Variants in YARS1 observed in about 807,000 individuals in gnomAD.
The protein encoded by YARS1 is tyrosine--tRNA ligase, cytoplasmic.
In YARS1, 36 loss-of-function variants were observed where a neutral mutation model predicts 62.2. The ratio of observed to expected loss-of-function variants is 0.58; its 90% CI spans 0.44 to 0.76. The LOEUF is 0.76. YARS1 is among the 30% of genes least tolerant of loss of function. The pLI, the probability that YARS1 is intolerant of heterozygous loss-of-function variation, is 0.00. For synonymous variants in YARS1, 234 were observed against 244.9 expected (o/e 0.96, Z 0.42); for missense variants, 524 against 639.8 (o/e 0.82, Z 1.95).
At position 32,781,035 on chromosome 1, in the gene YARS1, G is replaced by A; in HGVS notation, c.1140+13C>T. 1 of 1,613,412 alleles carries A rather than the reference G, an allele frequency of 6.2e-7. No homozygotes were observed. Among genetic ancestry groups the A allele is most frequent in the African/African-American group, 1.3e-5 (1 of 75,038 alleles). On this transcript the variant is annotated intron_variant, in intron 10 of 12. Transcript: ENST00000373477. ...CCAATCTGCCTCTCTGAGATGTGGTGAAAAATGAGTACCTTCTCCACAGTG... is the reference window on the plus strand; with the variant it reads ...CCAATCTGCCTCTCTGAGATGTGGTAAAAAATGAGTACCTTCTCCACAGTG...
chr1:32,805,220 A>G (rs1233790908), intron 4 of YARS1, among the ~76,000 whole-genome samples: 1 of 53,244 alleles, frequency 1.9e-5, no homozygotes, highest in East Asian at 7.8e-4. Context: ...AGACGGTGGA[A>G]AGGGGAGAGG....
At chr1:32,793,521 A>G (rs1198330943) in intron 5 of YARS1, among the ~76,000 whole-genome samples, 1 of 152,012 alleles carries the variant, frequency 6.6e-6, no homozygotes, top group East Asian at 1.9e-4. Context: ...GCACATGCCC[A>G]TAGTCCCAGC....
chr1:32,799,431 G>A (rs1353969863), intron 4 of YARS1, among the ~76,000 whole-genome samples: 8 of 152,210 alleles, frequency 5.3e-5, no homozygotes, highest in African/African-American at 1.7e-4. Flanking sequence ...TGGAGACAAA[G>A]TGAATGCCTC....
intron 3 of YARS1, among the ~76,000 whole-genome samples, chr1:32,809,779 T>A (rs1360153440): frequency 2.0e-5 from 3 of 152,188 alleles, no homozygotes; most frequent in Admixed American, 6.5e-5. Context: ...AATAGAGCGC[T>A]ATGTACTTAT....
At chr1:32,813,659 C>G (rs1245520785) in intron 1 of YARS1, among the ~76,000 whole-genome samples, 2 of 152,104 alleles carry the variant, frequency 1.3e-5, no homozygotes, top group Non-Finnish European at 2.9e-5. Context: ...ACTCACTCTC[C>G]TTCCTTTCAT....
chr1:32,817,071 G>A (rs1375243596), intron 1 of YARS1, 117 bp downstream of exon 1: 4 of 1,323,616 alleles, frequency 3.0e-6, no homozygotes, highest in Admixed American at 1.7e-5. Context: ...CTCTCTCAGA[G>A]CTGCGCCAGC....
chr1:32,791,157 C>T lies in YARS1; in HGVS notation c.684+5G>A. The T allele has an allele frequency of 6.2e-7, 1 of 1,613,536 alleles. No homozygotes were observed. The highest frequency in any genetic ancestry group is 8.5e-7 in the Non-Finnish European group (1 of 1,179,498). On this transcript the variant is annotated splice_donor_5th_base_variant and intron_variant, in intron 6 of 12. Coordinates refer to ENST00000373477, the MANE Select transcript of YARS1 (RefSeq NM_003680.4). Reference sequence around the variant, plus strand: ...TCTAAATTCAAGTCTCAGCTGGCAACTTACCTCTTCTGAAGAGCTCATTTT... The same window carrying T: ...TCTAAATTCAAGTCTCAGCTGGCAATTTACCTCTTCTGAAGAGCTCATTTT...
At chr1:32,789,110 A>C (rs181998905) in intron 6 of YARS1, among the ~76,000 whole-genome samples, 2 of 152,276 alleles carry the variant, frequency 1.3e-5, no homozygotes, top group Admixed American at 6.5e-5. Context: ...ACAGGTGTGA[A>C]CCACAATGTG....
intron 10 of YARS1, 105 bp downstream of exon 10, chr1:32,780,943 G>C (rs1653033228): frequency 3.0e-6 from 3 of 1,007,542 alleles, no homozygotes; most frequent in Non-Finnish European, 4.7e-6. Flanking sequence ...CTTGCAATAT[G>C]ACCTCAGGAT....
intron 7 of YARS1, 39 bp from the exon 8 acceptor site, chr1:32,786,486 A>T: frequency 6.4e-7 from 1 of 1,559,084 alleles, no homozygotes; most frequent in Non-Finnish European, 8.8e-7. Flanking sequence ...ACTCATTGAC[A>T]GCATTCCTAG....
chr1:32,795,142 A>G (rs1214103100), intron 5 of YARS1, among the ~76,000 whole-genome samples: 1 of 151,362 alleles, frequency 6.6e-6, no homozygotes, highest in African/African-American at 2.4e-5. Context: ...ACACGGTGAA[A>G]CCCCGTCTCT....
chr1:32,780,401 A>T (rs1245735281), intron 10 of YARS1, 123 bp from the exon 11 acceptor site: 2 of 1,151,176 alleles, frequency 1.7e-6, no homozygotes, highest in East Asian at 4.8e-5. Flanking sequence ...GACCCCCTAG[A>T]GCTAACTTTC....
At chr1:32,808,065 C>T (rs900730352) in intron 3 of YARS1, among the ~76,000 whole-genome samples, 10 of 151,974 alleles carry the variant, frequency 6.6e-5, no homozygotes, top group Non-Finnish European at 2.9e-5. Flanking sequence ...GCCATGATGC[C>T]TAGCTAATTT....
intron 4 of YARS1, among the ~76,000 whole-genome samples, chr1:32,804,754 CG>C (rs1329882627): frequency 6.6e-6 from 1 of 151,516 alleles, no homozygotes. Flanking sequence ...CAAGACTGGG[CG>C]GCCGGGCAGA....
chr1:32,782,315 G>A, intron 9 of YARS1, 89 bp downstream of exon 9: 1 of 1,607,222 alleles, frequency 6.2e-7, no homozygotes, highest in South Asian at 1.1e-5. Flanking sequence ...CTGGGTTGTT[G>A]TGCCCTCAAT....
In YARS1 at chr1:32,811,073, A is replaced by T; in HGVS notation, c.58-16T>A. The T allele has an allele frequency of 6.2e-7, 1 of 1,613,974 alleles. No individual in the cohort carries two copies. Among genetic ancestry groups the T allele is most frequent in the Non-Finnish European group, 8.5e-7 (1 of 1,179,990 alleles). ...CCAGAACCTCCTATTGTGGAAGCAG[A>T]AGAGTTAGTTTAATGTCAGTGCCTC... On this transcript the variant is annotated splice_polypyrimidine_tract_variant and intron_variant, in intron 1 of 12. Transcript: ENST00000373477.
At chr1:32,785,089 C>A (rs76460696) in intron 8 of YARS1, among the ~76,000 whole-genome samples, 1,640 of 152,276 alleles carry the variant, frequency 0.011, 30 homozygotes, top group African/African-American at 0.037. Flanking sequence ...TAGCATTGTA[C>A]CATTTGCCTA....
chr1:32,781,250 A>G (rs544900658), intron 9 of YARS1, 105 bp from the exon 10 acceptor site: 13 of 945,868 alleles, frequency 1.4e-5, no homozygotes, highest in African/African-American at 1.1e-4. Context: ...TTAGTGTAGA[A>G]TCCCCAGAGT....
chr1:32,803,286 C>CTTTTTTTTTT (rs60704395), intron 4 of YARS1, among the ~76,000 whole-genome samples: 1 of 134,970 alleles, frequency 7.4e-6, no homozygotes, highest in African/African-American at 2.8e-5. Context: ...CCTAATTCTT[C>CTTTTTTTTTT]TTTTTTTTTT....
Sources: allele counts gnomAD v4.1 joint callset (sites outside exome capture counted in the v4.1 genomes callset), GRCh38; gene constraint gnomAD v4.1.1; transcripts MANE v1.5; gene names NCBI Gene and HGNC (gene_info 2026-07-23, HGNC 2026-07-21).